RPRD2: variants seen among roughly 807,000 people sequenced by gnomAD.
RPRD2 encodes the protein regulation of nuclear pre-mRNA domain containing 2.
RPRD2 carries 12 observed loss-of-function variants against 104.4 expected under a neutral mutation model. The observed-to-expected ratio is 0.11, with a 90% CI of 0.07 to 0.19. The LOEUF (loss-of-function observed/expected upper bound fraction) is 0.19, where lower values mean the gene tolerates loss of function less well. RPRD2 is among the 10% of genes least tolerant of loss of function. RPRD2 has a pLI of 1.00. For missense variants in RPRD2, 1,543 were observed against 1,790.1 expected (o/e 0.86, Z 2.49); for synonymous variants, 714 against 684.9 (o/e 1.04, Z -0.66).
intron 2 of RPRD2, among the ~76,000 whole-genome samples, chr1:150,420,809 C>T (rs1270762286): frequency 6.6e-6 from 1 of 151,992 alleles, no homozygotes; most frequent in African/African-American, 2.4e-5. Flanking sequence ...CTGGGCAACA[C>T]AGCAAGACCC....
intron 1 of RPRD2, among the ~76,000 whole-genome samples, chr1:150,402,780 A>G (rs1663147659): frequency 6.6e-6 from 1 of 152,184 alleles, no homozygotes; most frequent in Non-Finnish European, 1.5e-5. Flanking sequence ...CAGCCTGACC[A>G]ACATGGAGAA....
chr1:150,458,116 A>G (rs1667666505), intron 8 of RPRD2, among the ~76,000 whole-genome samples: 1 of 151,980 alleles, frequency 6.6e-6, no homozygotes, highest in African/African-American at 2.4e-5. Flanking sequence ...GTGGCTAAGC[A>G]TTTGAAATGA....
intron 1 of RPRD2, among the ~76,000 whole-genome samples, chr1:150,411,292 T>C (rs834227): frequency 0.62 from 89,431 of 143,436 alleles, 27,176 homozygotes; most frequent in African/African-American, 0.67. Context: ...GAAACCCCGT[T>C]TCTACTAAAA....
chr1:150,467,587 T>A (rs1668360615), intron 10 of RPRD2, among the ~76,000 whole-genome samples: 1 of 151,896 alleles, frequency 6.6e-6, no homozygotes, highest in Non-Finnish European at 1.5e-5. Flanking sequence ...TTGGCCAGGC[T>A]GGTCTCGAAC....
chr1:150,474,230 ATAT>A lies in RPRD2; in HGVS notation c.*900_*902del, dbSNP rs1294245777. 1 of 152,214 alleles carries A rather than the reference ATAT, an allele frequency of 6.6e-6. No homozygotes were observed. The highest frequency in any genetic ancestry group is 1.5e-5 in the Non-Finnish European group (1 of 68,030). The allele number at this position is 152,214 out of a possible 1,614,324, so 9.4% of individuals were successfully genotyped here. ...CTATTGATACAAAGGTGCAACAGAAATATTATCCCTGCATTTTTAAATATAAGA... is the reference window on the plus strand; with the variant it reads ...CTATTGATACAAAGGTGCAACAGAAATATCCCTGCATTTTTAAATATAAGA... On this transcript the variant is annotated 3_prime_UTR_variant, in exon 11 of 11. Transcript: ENST00000369068.
At chr1:150,394,684 C>G (rs782627978) in intron 1 of RPRD2, among the ~76,000 whole-genome samples, 1 of 151,956 alleles carries the variant, frequency 6.6e-6, no homozygotes, top group Non-Finnish European at 1.5e-5. Flanking sequence ...CTCAGCCTCC[C>G]GGGTTCAAGC....
intron 1 of RPRD2, among the ~76,000 whole-genome samples, chr1:150,373,280 C>A (rs1228967517): frequency 2.0e-5 from 3 of 152,152 alleles, no homozygotes; most frequent in Admixed American, 2.0e-4. Flanking sequence ...TCCCAAAGTG[C>A]TGGGATTACA....
At chr1:150,449,889 A>G (rs1189967742) in intron 7 of RPRD2, among the ~76,000 whole-genome samples, 1 of 152,168 alleles carries the variant, frequency 6.6e-6, no homozygotes, top group Non-Finnish European at 1.5e-5. Context: ...TCACATTAGT[A>G]TGTATATTGG....
rs991171761 is a variant in RPRD2 at position 150,390,311 on chromosome 1, A to G, written c.205+25392A>G. Among the ~76,000 whole-genome samples, 10 of 152,318 alleles carry G rather than the reference A, an allele frequency of 6.6e-5. No homozygotes were observed. The East Asian group carries it at 1.5e-3, about 24-fold the overall frequency. On this transcript the variant is annotated intron_variant, in intron 1 of 10. Transcript: ENST00000369068. ...GAGTTCCAAGACCAGCCTGGCCAAC[A>G]TGGTGAAACTCCATCTCTACTAAAA...
intron 1 of RPRD2, among the ~76,000 whole-genome samples, chr1:150,383,625 G>T (rs1661324284): frequency 2.0e-5 from 3 of 152,090 alleles, no homozygotes; most frequent in South Asian, 4.1e-4. Context: ...CCAAAGAAGA[G>T]ATTTTAAAAG....
At chr1:150,394,102 G>A (rs1409962773) in intron 1 of RPRD2, among the ~76,000 whole-genome samples, 3 of 152,094 alleles carry the variant, frequency 2.0e-5, no homozygotes, top group Non-Finnish European at 2.9e-5. Flanking sequence ...CCAGGCTGGA[G>A]TGCAATGGCG....
rs34188350 is a variant in RPRD2, at chr1:150,387,913, C to CTT, written c.205+23012_205+23013dup. 1.2e-3 allele frequency among the ~76,000 whole-genome samples: 113 copies of CTT among 94,584 alleles called. 3 individuals are homozygous for CTT. Among genetic ancestry groups the CTT allele is most frequent in the African/African-American group, 2.7e-3 (56 of 21,030 alleles). The allele number at this position is 94,584 out of a possible 152,430, so 62.1% of individuals were successfully genotyped here. On this transcript the variant is annotated intron_variant, in intron 1 of 10. Transcript: ENST00000369068. Reference sequence around the variant, plus strand: ...CCATTTTTTTCTTTTTTTCTTTTCTCTTTTTTTTTTTTTTTTTTTGAGACA... The same window carrying CTT: ...CCATTTTTTTCTTTTTTTCTTTTCTCTTTTTTTTTTTTTTTTTTTTTGAGACA...
intron 10 of RPRD2, among the ~76,000 whole-genome samples, chr1:150,464,942 T>C (rs587668220): frequency 6.6e-6 from 1 of 152,240 alleles, no homozygotes; most frequent in South Asian, 2.1e-4. Flanking sequence ...TGCTCTCGGC[T>C]CACTACAACC....
chr1:150,472,334 T>G lies in RPRD2; in HGVS notation c.3386T>G (p.Phe1129Cys), dbSNP rs1668641963. The change falls in exon 11 of 11, where the codon TTT becomes TGT. Residue 1129 changes from phenylalanine to cysteine, a missense_variant. Phe to Cys is a radical substitution (Grantham distance 205, BLOSUM62 -2). Coordinates refer to ENST00000369068, the MANE Select transcript of RPRD2 (RefSeq NM_015203.5). ...HGREASRVGW[F>C]DLSTSGSSFD... ...CGTGAGGCTTCAAGGGTGGGTTGGT[T>G]TGATCTGAGCACATCAGGTAGCTCT... 6.2e-7 allele frequency: 1 copy of G among 1,613,834 alleles called. No individual in the cohort carries two copies.
intron 2 of RPRD2, among the ~76,000 whole-genome samples, chr1:150,433,822 A>ACT (rs1665798357): frequency 1.1e-5 from 1 of 91,464 alleles, no homozygotes. Flanking sequence ...TAATATATGT[A>ACT]ATATAATATA....
chr1:150,411,651 C>T (rs1267142065), intron 1 of RPRD2, among the ~76,000 whole-genome samples: 3 of 128,606 alleles, frequency 2.3e-5, no homozygotes, highest in Non-Finnish European at 3.3e-5. Flanking sequence ...ATTAGCCAGG[C>T]GTGGTGATGC....
chr1:150,439,086 G>T (rs587742829), intron 2 of RPRD2, among the ~76,000 whole-genome samples: 1 of 152,140 alleles, frequency 6.6e-6, no homozygotes, highest in South Asian at 2.1e-4. Flanking sequence ...GCCTCCCTCG[G>T]CCTCCCAAAG....
At chr1:150,433,439 A>ATTTTTTTTTTT (rs58544799) in intron 2 of RPRD2, among the ~76,000 whole-genome samples, 2 of 90,396 alleles carry the variant, frequency 2.2e-5, no homozygotes, top group African/African-American at 4.6e-5. Flanking sequence ...CACAGACATA[A>ATTTTTTTTTTT]TTTTTTTTTT....
intron 1 of RPRD2, among the ~76,000 whole-genome samples, chr1:150,396,656 T>G (rs1478949280): frequency 2.0e-5 from 3 of 152,168 alleles, no homozygotes; most frequent in East Asian, 3.9e-4. Flanking sequence ...AAAGATCAGT[T>G]GGTACCACCA....
Sources: allele counts gnomAD v4.1 joint callset (sites outside exome capture counted in the v4.1 genomes callset), GRCh38; gene constraint gnomAD v4.1.1; transcripts MANE v1.5; gene names NCBI Gene and HGNC (gene_info 2026-07-23, HGNC 2026-07-21).